UTRN: variants seen among roughly 807,000 people sequenced by gnomAD.
UTRN encodes dystrophin-related protein 1.
Under a neutral mutation model 463.9 loss-of-function variants are expected in UTRN, and 283 were observed. The observed-to-expected ratio is 0.61, with a 90% CI of 0.55 to 0.67. UTRN has a LOEUF of 0.67. UTRN is among the 30% of genes least tolerant of loss of function. The pLI, the probability that UTRN is intolerant of heterozygous loss-of-function variation, is 0.00. For missense variants in UTRN, 3,922 were observed against 4,084.3 expected, an observed-to-expected ratio of 0.96 and a Z score of 1.08; for synonymous variants, 1,442 against 1,431.5, an observed-to-expected ratio of 1.01 and a Z score of -0.17.
chr6:144,549,382 G>A (rs1006775866), intron 47 of UTRN, among the ~76,000 whole-genome samples: 15 of 152,274 alleles, frequency 9.9e-5, no homozygotes, highest in African/African-American at 3.4e-4. Flanking sequence ...TAGAAATTGG[G>A]AAACTACAAT....
intron 42 of UTRN, among the ~76,000 whole-genome samples, 191 bp downstream of exon 42, chr6:144,531,393 A>T (rs563537693): frequency 2.3e-4 from 35 of 152,352 alleles, no homozygotes; most frequent in South Asian, 1.2e-3. Flanking sequence ...TTCAATCAGG[A>T]TTTCAAAGAA....
At chr6:144,819,016 T>C (rs1177900688) in intron 65 of UTRN, among the ~76,000 whole-genome samples, 2 of 152,196 alleles carry the variant, frequency 1.3e-5, no homozygotes, top group Non-Finnish European at 2.9e-5. Flanking sequence ...AATACCTTTT[T>C]CTTCTGCACT....
chr6:144,562,867 T>C (rs1800060568), intron 50 of UTRN, among the ~76,000 whole-genome samples: 1 of 152,200 alleles, frequency 6.6e-6, no homozygotes, highest in South Asian at 2.1e-4. Context: ...CAGCATCTGT[T>C]GTTTCTTGAC....
intron 41 of UTRN, among the ~76,000 whole-genome samples, chr6:144,527,444 G>T (rs1002226560): frequency 6.6e-6 from 1 of 152,124 alleles, no homozygotes; most frequent in Non-Finnish European, 1.5e-5. Flanking sequence ...CCTTCTTATT[G>T]ACTTTACGTA....
chr6:144,637,263 C>A (rs1777278068), intron 51 of UTRN, among the ~76,000 whole-genome samples: 1 of 152,194 alleles, frequency 6.6e-6, no homozygotes, highest in African/African-American at 2.4e-5. Context: ...AGCCACTGCG[C>A]CCAGCCAAGT....
intron 23 of UTRN, among the ~76,000 whole-genome samples, chr6:144,463,751 C>T (rs759414979): frequency 2.6e-4 from 39 of 151,246 alleles, no homozygotes; most frequent in Non-Finnish European, 4.1e-4. Flanking sequence ...TATTTTTCAA[C>T]GAATGAAATG....
chr6:144,500,552 A>G (rs548630439), intron 34 of UTRN, among the ~76,000 whole-genome samples: 3 of 152,334 alleles, frequency 2.0e-5, no homozygotes, highest in African/African-American at 7.2e-5. Context: ...TATTATTTTT[A>G]TATAGTACTT....
At chr6:144,547,561 C>G (rs542350507) in intron 46 of UTRN, among the ~76,000 whole-genome samples, 1 of 152,270 alleles carries the variant, frequency 6.6e-6, no homozygotes, top group East Asian at 1.9e-4. Flanking sequence ...CATTTCCCTG[C>G]TGCAGCCGTG....
chr6:144,482,550 A>T (rs1169348421), intron 27 of UTRN, among the ~76,000 whole-genome samples, 162 bp downstream of exon 27: 1 of 152,040 alleles, frequency 6.6e-6, no homozygotes, highest in Non-Finnish European at 1.5e-5. Context: ...AAGAAAAAAT[A>T]GTTCTTGGGA....
At chr6:144,747,062 G>GA (rs1196107490) in intron 54 of UTRN, among the ~76,000 whole-genome samples, 1 of 152,194 alleles carries the variant, frequency 6.6e-6, no homozygotes, top group African/African-American at 2.4e-5. Flanking sequence ...CACTGAGGAT[G>GA]AAAGTTACAG....
At chr6:144,598,494 A>G (rs1339756636) in intron 51 of UTRN, among the ~76,000 whole-genome samples, 4 of 152,190 alleles carry the variant, frequency 2.6e-5, no homozygotes, top group South Asian at 2.1e-4. Flanking sequence ...CTTATCAGAC[A>G]TAAAAACGTA....
intron 9 of UTRN, among the ~76,000 whole-genome samples, chr6:144,433,636 G>T (rs7381650): frequency 0.31 from 45,551 of 147,126 alleles, 7,092 homozygotes; most frequent in African/African-American, 0.47. Context: ...CGGGGCGGCC[G>T]GGCAGAGACG....
At chr6:144,352,432 A>C (rs1368866200) in intron 2 of UTRN, among the ~76,000 whole-genome samples, 2 of 152,192 alleles carry the variant, frequency 1.3e-5, no homozygotes, top group Non-Finnish European at 2.9e-5. Flanking sequence ...AAAATTTCAT[A>C]GTGATGGTAT....
intron 62 of UTRN, 58 bp from the exon 63 acceptor site, chr6:144,793,776 T>C (rs1776970038): frequency 6.4e-6 from 10 of 1,572,718 alleles, no homozygotes; most frequent in Non-Finnish European, 7.8e-6. Flanking sequence ...CAAAGATATA[T>C]TTTAAGTAAA....
rs760898789 is a variant in UTRN at position 144,531,048 on chromosome 6, C to T, written c.5907-4C>T. ...CCTATTTTATTTTGTGTATTGTCCT[C>T]TAGTTGTTTTGACAGGGCAATGGAA... On this transcript the variant is annotated splice_region_variant and splice_polypyrimidine_tract_variant and intron_variant, in intron 41 of 74. Coordinates refer to ENST00000367545, the MANE Select transcript of UTRN (RefSeq NM_007124.3). 7.4e-6 allele frequency: 12 copies of T among 1,613,128 alleles called. No individual in the cohort carries two copies. The highest frequency in any genetic ancestry group is 1.1e-5 in the South Asian group (1 of 90,946).
chr6:144,460,313 TGTTGCA>T (rs1282069747), intron 21 of UTRN, among the ~76,000 whole-genome samples: 1 of 152,254 alleles, frequency 6.6e-6, no homozygotes, highest in Non-Finnish European at 1.5e-5. Context: ...TTAGGAACTG[TGTTGCA>T]TTGTGCATTA....
At chr6:144,426,961 C>T (rs1303322429) in intron 7 of UTRN, among the ~76,000 whole-genome samples, 4 of 152,064 alleles carry the variant, frequency 2.6e-5, no homozygotes, top group Non-Finnish European at 4.4e-5. Flanking sequence ...AAAAAGAAAC[C>T]AAAACTATGA....
chr6:144,416,593 C>G (rs564944535), intron 3 of UTRN, among the ~76,000 whole-genome samples: 35 of 152,314 alleles, frequency 2.3e-4, no homozygotes, highest in African/African-American at 8.4e-4. Flanking sequence ...CAGCCGCAAG[C>G]ATGAGTGCTG....
At position 144,765,574 on chromosome 6, in the gene UTRN, C is replaced by T. The variant is rs1224830905; in HGVS notation, c.8496-6333C>T. On this transcript the variant is annotated intron_variant, in intron 58 of 74. Transcript: ENST00000367545. Reference sequence around the variant, plus strand: ...GACTACAGGTACATGCCACCATGCCCAGCTAATTGGACTTTTTTTAGAGAT... The same window carrying T: ...GACTACAGGTACATGCCACCATGCCTAGCTAATTGGACTTTTTTTAGAGAT... Among the ~76,000 whole-genome samples, 7 of 152,096 alleles carry T rather than the reference C, an allele frequency of 4.6e-5. No homozygotes were observed. In the East Asian group the frequency reaches 1.4e-3, roughly 29 times the overall value.
Sources: allele counts gnomAD v4.1 joint callset (sites outside exome capture counted in the v4.1 genomes callset), GRCh38; gene constraint gnomAD v4.1.1; transcripts MANE v1.5; gene names NCBI Gene and HGNC (gene_info 2026-07-23, HGNC 2026-07-21).